PCDHGA10: variants seen among roughly 807,000 people sequenced by gnomAD.
PCDHGA10 encodes protocadherin gamma subfamily A, 10.
A neutral mutation model predicts 59.5 loss-of-function variants in PCDHGA10; 42 were observed. The observed-to-expected ratio is 0.71, with a 90% CI of 0.55 to 0.91. PCDHGA10 has a LOEUF of 0.91. PCDHGA10 is among the 40% of genes least tolerant of loss of function. The pLI, the probability that PCDHGA10 is intolerant of heterozygous loss-of-function variation, is 0.00. For synonymous variants in PCDHGA10, 511 were observed against 517.2 expected (o/e 0.99, Z 0.16); for missense variants, 1,111 against 1,198.2 (o/e 0.93, Z 1.07).
chr5:141,414,230 C>G lies in PCDHGA10; in HGVS notation c.1055C>G (p.Thr352Ser), dbSNP rs367888906. The G allele has an allele frequency of 6.2e-7, 1 of 1,613,190 alleles. No individual in the cohort carries two copies. Among genetic ancestry groups the G allele is most frequent in the Non-Finnish European group, 8.5e-7 (1 of 1,179,700 alleles). Residue 352 changes from threonine (T) to serine (S), a missense_variant, in exon 1 of 4, where the codon ACC becomes AGC. Physicochemically the swap from Thr to Ser is moderately conservative, Grantham distance 58. Coordinates refer to ENST00000398610, the MANE Select transcript of PCDHGA10 (RefSeq NM_018913.3). ...GTAAATGACAACAGTCCAGAGCTGA[C>G]CATCACGTCTCTATTTAGTCCAGTG... ...EDVNDNSPEL[T>S]ITSLFSPVTE...
intron 1 of PCDHGA10, chr5:141,430,826 CT>C (rs765096486): frequency 1.3e-6 from 2 of 1,550,416 alleles, no homozygotes; most frequent in East Asian, 2.2e-5. Flanking sequence ...CCTGGGGACT[CT>C]GTGGGAGACC....
Position 141,431,709 on chromosome 5 carries a change from T to G in PCDHGA10, c.2436+16098T>G, listed in dbSNP as rs1561854893. ...CACGAGGAGTCAGGATTCTACCAGA[T>G]GGAAGTGCAAGCAATGGATAATGCA... On this transcript the variant is annotated intron_variant, in intron 1 of 3. Coordinates refer to ENST00000398610, the MANE Select transcript of PCDHGA10 (RefSeq NM_018913.3). The surrounding 1 kb of genome is among the most constrained non-coding windows in gnomAD (Gnocchi z 4.8). The G allele has an allele frequency of 6.2e-7, 1 of 1,614,168 alleles. No individual in the cohort carries two copies. Among genetic ancestry groups the G allele is most frequent in the Middle Eastern group, 1.6e-4 (1 of 6,062 alleles).
chr5:141,413,724 C>T lies in PCDHGA10; in HGVS notation c.549C>T (p.Ser183=), dbSNP rs751084568. ...SYQLSPNKHF[S]LRVQSRANGV... ...AGCTCAGCCCCAATAAGCACTTCTC[C>T]CTAAGAGTTCAGAGCCGTGCCAATG... The change falls in exon 1 of 4, where the codon TCC becomes TCT. Residue 183 remains serine (S), a synonymous_variant. Coordinates refer to ENST00000398610, the MANE Select transcript of PCDHGA10 (RefSeq NM_018913.3). 2 of 1,613,426 alleles carry T rather than the reference C, an allele frequency of 1.2e-6. No individual in the cohort carries two copies. Among genetic ancestry groups the T allele is most frequent in the East Asian group, 2.2e-5 (1 of 44,874 alleles).
chr5:141,441,813 A>T, intron 1 of PCDHGA10: 1 of 365,242 alleles, frequency 2.7e-6, no homozygotes, highest in South Asian at 2.3e-5. Context: ...GCTGTACCCC[A>T]GCTCTGGAGC....
rs776258973 is a variant in PCDHGA10, at chr5:141,489,877, A to G, written c.2437-4930A>G. 1.2e-6 allele frequency: 2 copies of G among 1,614,230 alleles called. No individual in the cohort carries two copies. The highest frequency in any genetic ancestry group is 2.2e-5 in the South Asian group (2 of 91,090). Reference sequence around the variant, plus strand: ...CCAGGCAAGACATCAGCTGGTGCTTACTGCTGTGGATGGGGGGACCCCAGC... The same window carrying G: ...CCAGGCAAGACATCAGCTGGTGCTTGCTGCTGTGGATGGGGGGACCCCAGC... On this transcript the variant is annotated intron_variant, in intron 1 of 3. Coordinates refer to ENST00000398610, the MANE Select transcript of PCDHGA10 (RefSeq NM_018913.3). This position sits in a 1 kb window ranked among gnomAD's most constrained non-coding sequence, Gnocchi z 4.5.
At chr5:141,428,613 C>T (rs1247239314) in intron 1 of PCDHGA10, 1 of 212,608 alleles carries the variant, frequency 4.7e-6, no homozygotes, top group African/African-American at 2.3e-5. Flanking sequence ...AAGAGAATAA[C>T]AAGATAAGCT....
chr5:141,421,078 C>T (rs11575964), intron 1 of PCDHGA10: 20,754 of 627,892 alleles, frequency 0.033, 387 homozygotes, highest in Middle Eastern at 0.088. Context: ...GAGATGGATA[C>T]TCACAGATCC....
Position 141,476,468 on chromosome 5 carries a change from C to T in PCDHGA10, c.2437-18339C>T. 6.2e-7 allele frequency: 1 copy of T among 1,614,132 alleles called. No homozygotes were observed. Among genetic ancestry groups the T allele is most frequent in the Non-Finnish European group, 8.5e-7 (1 of 1,180,022 alleles). On this transcript the variant is annotated intron_variant, in intron 1 of 3. Coordinates refer to ENST00000398610, the MANE Select transcript of PCDHGA10 (RefSeq NM_018913.3). The surrounding 1 kb of genome is among the most constrained non-coding windows in gnomAD (Gnocchi z 7.6). ...GTTGGTAGTGGAGAACCCGCTGGAG[C>T]TGTTCAGCGTGGAAGTGGTGATCCA...
chr5:141,413,485 G>C lies in PCDHGA10; in HGVS notation c.310G>C (p.Ala104Pro), dbSNP rs184712199. Reference protein sequence around the residue: ...IDREELCAQSARCVVSFNILV... With the variant: ...IDREELCAQSPRCVVSFNILV... ...CCGGGAGGAGCTCTGCGCTCAGAGC[G>C]CGCGGTGCGTGGTGAGTTTTAATAT... is the stretch of plus-strand genomic sequence containing the variant. The change falls in exon 1 of 4, where the codon GCG becomes CCG. Residue 104 changes from alanine to proline, a missense_variant. Physicochemically the swap from Ala to Pro is conservative, Grantham distance 27 (BLOSUM62 -1). Coordinates refer to ENST00000398610, the MANE Select transcript of PCDHGA10 (RefSeq NM_018913.3). 439 of 1,614,058 alleles carry C rather than the reference G, an allele frequency of 2.7e-4. 1 individual carries two copies. In the African/African-American group the frequency reaches 4.6e-3, roughly 17 times the overall value.
chr5:141,472,200 C>A (rs2099274166), intron 1 of PCDHGA10, among the ~76,000 whole-genome samples: 1 of 152,110 alleles, frequency 6.6e-6, no homozygotes, highest in Non-Finnish European at 1.5e-5. Flanking sequence ...ATCTTTTTGA[C>A]ACTAAGACCT....
chr5:141,505,577 G>A lies in PCDHGA10; in HGVS notation c.2584+96G>A, dbSNP rs537948666. 8.2e-6 allele frequency: 13 copies of A among 1,589,854 alleles called. No homozygotes were observed. The African/African-American group carries it at 1.1e-4, about 13-fold the overall frequency. Reference sequence around the variant, plus strand: ...TGCCCACGGACTGGATGTCAAACCTGTGTAGTTTCTCCAGATCTTTCGGCA... The same window carrying A: ...TGCCCACGGACTGGATGTCAAACCTATGTAGTTTCTCCAGATCTTTCGGCA... On this transcript the variant is annotated intron_variant, in intron 3 of 3. Coordinates refer to ENST00000398610, the MANE Select transcript of PCDHGA10 (RefSeq NM_018913.3).
chr5:141,427,717 A>G (rs1038823851), intron 1 of PCDHGA10: 20 of 1,076,234 alleles, frequency 1.9e-5, no homozygotes, highest in African/African-American at 1.1e-4. Context: ...TCTGACCTGG[A>G]CCTAGGGCTG....
chr5:141,427,213 G>A (rs566924176), intron 1 of PCDHGA10: 3 of 456,706 alleles, frequency 6.6e-6, no homozygotes, highest in East Asian at 6.9e-5. Context: ...TTCGAATTTC[G>A]TAGCAGTTAT....
intron 1 of PCDHGA10, among the ~76,000 whole-genome samples, chr5:141,456,166 G>A (rs531975607): frequency 6.6e-6 from 1 of 152,148 alleles, no homozygotes; most frequent in African/African-American, 2.4e-5. Flanking sequence ...TAAAGTGCTG[G>A]GATTACAGAA....
intron 1 of PCDHGA10, 100 bp from the exon 2 acceptor site, chr5:141,494,707 G>A: frequency 2.5e-6 from 4 of 1,599,238 alleles, no homozygotes; most frequent in Non-Finnish European, 3.4e-6. Context: ...TCTTCTCTGT[G>A]CCCACTCCCC....
chr5:141,478,202 C>T, intron 1 of PCDHGA10: 1 of 1,614,074 alleles, frequency 6.2e-7, no homozygotes, highest in Non-Finnish European at 8.5e-7. Flanking sequence ...TTATCTACTT[C>T]TTTCTCTAAT....
At chr5:141,481,999 C>T (rs958678555) in intron 1 of PCDHGA10, among the ~76,000 whole-genome samples, 7 of 149,942 alleles carry the variant, frequency 4.7e-5, no homozygotes, top group Admixed American at 2.0e-4. Flanking sequence ...GCAGGAGAAT[C>T]GCTTTATCTC....
At position 141,431,119 on chromosome 5, in the gene PCDHGA10, A is replaced by C. The variant is rs147514897; in HGVS notation, c.2436+15508A>C. 1.2e-6 allele frequency: 2 copies of C among 1,614,134 alleles called. No individual in the cohort carries two copies. The highest frequency in any genetic ancestry group is 2.7e-5 in the African/African-American group (2 of 74,956). ...ATAAAGTGAAAATATATGGAGTAGA[A>C]GTAGAAGTAAGGGACATTAACGACA... On this transcript the variant is annotated intron_variant, in intron 1 of 3. Coordinates refer to ENST00000398610, the MANE Select transcript of PCDHGA10 (RefSeq NM_018913.3). The surrounding 1 kb of genome is among the most constrained non-coding windows in gnomAD (Gnocchi z 4.8).
At chr5:141,420,817 A>G (rs547074952) in intron 1 of PCDHGA10, among the ~76,000 whole-genome samples, 2 of 152,354 alleles carry the variant, frequency 1.3e-5, no homozygotes, top group South Asian at 2.1e-4. Flanking sequence ...AGCCCTTTTA[A>G]TAATTACTCC....
Sources: allele counts gnomAD v4.1 joint callset (sites outside exome capture counted in the v4.1 genomes callset), GRCh38; gene constraint gnomAD v4.1.1; non-coding constraint Gnocchi (gnomAD v3.1); transcripts MANE v1.5; gene names NCBI Gene and HGNC (gene_info 2026-07-23, HGNC 2026-07-21).